Variants in OSBPL8 observed in about 807,000 individuals in gnomAD.
OSBPL8 encodes oxysterol binding protein like 8.
OSBPL8 carries 59 observed loss-of-function variants against 125.5 expected under a neutral mutation model. The ratio of observed to expected loss-of-function variants is 0.47; its 90% CI spans 0.38 to 0.58. The LOEUF (loss-of-function observed/expected upper bound fraction) is 0.58. Ranked by LOEUF, OSBPL8 falls within the 20% of genes least tolerant of loss-of-function variation. The pLI is 0.00. For synonymous variants in OSBPL8, 330 were observed against 338.9 expected (o/e 0.97, Z 0.29); for missense variants, 758 against 1,047.8 (o/e 0.72, Z 3.82).
At chr12:76,518,295 T>C (rs1379433271) in intron 1 of OSBPL8, among the ~76,000 whole-genome samples, 1 of 152,190 alleles carries the variant, frequency 6.6e-6, no homozygotes, top group Non-Finnish European at 1.5e-5. Context: ...AACTCCAACA[T>C]AATCCTTGAC....
chr12:76,369,432 A>C, intron 20 of OSBPL8, 131 bp from the exon 21 acceptor site: 1 of 1,403,748 alleles, frequency 7.1e-7, no homozygotes, highest in East Asian at 2.5e-5. Flanking sequence ...CCCCATACCT[A>C]ATCTTCAGAT....
intron 4 of OSBPL8, among the ~76,000 whole-genome samples, chr12:76,418,491 C>A (rs1869023535): frequency 6.6e-6 from 1 of 152,126 alleles, no homozygotes; most frequent in Admixed American, 6.6e-5. Flanking sequence ...CAACATACAT[C>A]CAGGCTGACT....
At chr12:76,492,334 A>T (rs1487988163) in intron 1 of OSBPL8, among the ~76,000 whole-genome samples, 1 of 152,222 alleles carries the variant, frequency 6.6e-6, no homozygotes, top group Non-Finnish European at 1.5e-5. Context: ...CAATGTAGCT[A>T]GAACATATGT....
chr12:76,510,385 C>T (rs573545452), intron 1 of OSBPL8, among the ~76,000 whole-genome samples: 52 of 152,150 alleles, frequency 3.4e-4, no homozygotes, highest in Middle Eastern at 3.4e-3. Context: ...CATTTTGCCC[C>T]GAGGAAACCA....
In OSBPL8 at chr12:76,373,575, A is replaced by T. The variant is rs567151856; in HGVS notation, c.1828-142T>A. 2.8e-3 allele frequency: 1,351 copies of T among 479,338 alleles called. 3 individuals carry two copies. Among genetic ancestry groups the T allele is most frequent in the Non-Finnish European group, 2.9e-3 (790 of 275,998 alleles). The allele number at this position is 479,338 out of a possible 1,614,324, so 29.7% of individuals were successfully genotyped here. A position where few individuals can be genotyped will look rare whatever the true frequency, so the allele number is the denominator to read the frequency against. ...ACAAGCAGTAAAAAAATACTGACTC[A>T]AATTTTAGTTAGAAATGTTTAATAA... On this transcript the variant is annotated intron_variant, in intron 17 of 23. Coordinates refer to ENST00000261183, the MANE Select transcript of OSBPL8 (RefSeq NM_020841.5).
chr12:76,441,929 T>TA (rs1370326830), intron 4 of OSBPL8, among the ~76,000 whole-genome samples: 1 of 152,136 alleles, frequency 6.6e-6, no homozygotes, highest in Non-Finnish European at 1.5e-5. Context: ...TTAAAGTAAC[T>TA]AAAACAGTAT....
In OSBPL8 at chr12:76,466,243, TTA is replaced by T. The variant is rs542974598; in HGVS notation, c.43-6350_43-6349del. 5.5e-3 allele frequency among the ~76,000 whole-genome samples: 842 copies of T among 152,296 alleles called. 6 individuals carry two copies. Among genetic ancestry groups the T allele is most frequent in the African/African-American group, 0.019 (779 of 41,558 alleles). On this transcript the variant is annotated intron_variant, in intron 2 of 23. Transcript: ENST00000261183. ...TATGGCATACTAGTATGCATTATTT[TTA>T]TAGTCAAAAAAGAACTTATTTACAT...
At chr12:76,461,241 G>T (rs1565915750) in intron 2 of OSBPL8, among the ~76,000 whole-genome samples, 1 of 152,096 alleles carries the variant, frequency 6.6e-6, no homozygotes, top group Admixed American at 6.6e-5. Flanking sequence ...TGTCTCTTCT[G>T]GGATTAGATT....
intron 21 of OSBPL8, among the ~76,000 whole-genome samples, chr12:76,368,397 G>C (rs1952499499): frequency 6.6e-6 from 1 of 152,066 alleles, no homozygotes. Flanking sequence ...ATCCTACTTG[G>C]AGTTTGTTGA....
intron 2 of OSBPL8, among the ~76,000 whole-genome samples, chr12:76,478,573 T>C (rs1025986759): frequency 2.0e-5 from 3 of 151,942 alleles, no homozygotes; most frequent in Non-Finnish European, 4.4e-5. Flanking sequence ...TCCAATTATA[T>C]ACCTGAATGA....
chr12:76,513,962 T>TACA (rs1881275132), intron 1 of OSBPL8, among the ~76,000 whole-genome samples: 1 of 152,068 alleles, frequency 6.6e-6, no homozygotes, highest in Admixed American at 6.6e-5. Flanking sequence ...GTCATTGTGT[T>TACA]GTTGGCTGGT....
At chr12:76,486,362 C>T (rs1053292372) in intron 2 of OSBPL8, among the ~76,000 whole-genome samples, 1 of 152,178 alleles carries the variant, frequency 6.6e-6, no homozygotes, top group Non-Finnish European at 1.5e-5. Flanking sequence ...AAAAGTTGGG[C>T]TCTACCTTAT....
chr12:76,488,380 T>C (rs1592773784), intron 1 of OSBPL8, among the ~76,000 whole-genome samples: 1 of 152,212 alleles, frequency 6.6e-6, no homozygotes, highest in South Asian at 2.1e-4. Flanking sequence ...TGAATATGTA[T>C]ATCTACAGGC....
In OSBPL8 at chr12:76,352,341, A is replaced by C. The variant is rs1951854806; in HGVS notation, c.*3548T>G. Reference sequence around the variant, plus strand: ...TCTAAATATATTAATCATATTAATAAGACACTGGTCCTATACAATTTCAAC... The same window carrying C: ...TCTAAATATATTAATCATATTAATACGACACTGGTCCTATACAATTTCAAC... On this transcript the variant is annotated 3_prime_UTR_variant, in exon 24 of 24. Transcript: ENST00000261183. 2 of 152,708 alleles carry C rather than the reference A, an allele frequency of 1.3e-5. No homozygotes were observed. The highest frequency in any genetic ancestry group is 2.4e-5 in the African/African-American group (1 of 41,580). 9.5% of individuals were successfully genotyped at this position (152,708 alleles called of 1,614,324 possible).
chr12:76,407,970 T>C (rs889652025), intron 5 of OSBPL8, among the ~76,000 whole-genome samples: 1 of 152,032 alleles, frequency 6.6e-6, no homozygotes, highest in African/African-American at 2.4e-5. Flanking sequence ...TCTTCTAGTA[T>C]TGTTATGAAC....
intron 3 of OSBPL8, among the ~76,000 whole-genome samples, chr12:76,457,241 CTAGT>C (rs906024795): frequency 5.3e-5 from 8 of 152,206 alleles, no homozygotes; most frequent in African/African-American, 4.8e-5. Context: ...ACGGTATGTA[CTAGT>C]TAATGTTATG....
chr12:76,496,894 G>A (rs1339225915), intron 1 of OSBPL8, among the ~76,000 whole-genome samples: 2 of 151,534 alleles, frequency 1.3e-5, no homozygotes, highest in African/African-American at 4.9e-5. Flanking sequence ...TGTTGCTCAG[G>A]CTGGTCTTGA....
intron 1 of OSBPL8, among the ~76,000 whole-genome samples, chr12:76,549,921 C>CA (rs746849865): frequency 7.2e-4 from 105 of 146,354 alleles, no homozygotes; most frequent in African/African-American, 1.2e-3. Context: ...CAAGCAGATG[C>CA]AAAAAAAAAA....
rs193196384 is a variant in OSBPL8, at chr12:76,397,469, G to C, written c.672+225C>G. Among the ~76,000 whole-genome samples, 26 of 152,066 alleles carry C rather than the reference G, an allele frequency of 1.7e-4. No individual in the cohort carries two copies. In the East Asian group the frequency reaches 4.8e-3, roughly 28 times the overall value. On this transcript the variant is annotated intron_variant, in intron 8 of 23. Transcript: ENST00000261183. The stretch of plus-strand genomic sequence containing the variant: ...AACAGTACAAATTGAATCCCCAAGG[G>C]CAAAAGAGATAAAAAGATGCAATAT...
Sources: allele counts gnomAD v4.1 joint callset (sites outside exome capture counted in the v4.1 genomes callset), GRCh38; gene constraint gnomAD v4.1.1; transcripts MANE v1.5; gene names NCBI Gene and HGNC (gene_info 2026-07-23, HGNC 2026-07-21).